Variants in BIRC6 observed in about 807,000 individuals in gnomAD.
BIRC6 encodes baculoviral IAP repeat containing 6, also known as dual E2 ubiquitin-conjugating enzyme/E3 ubiquitin-protein ligase BIRC6.
Under a neutral mutation model 503.3 loss-of-function variants are expected in BIRC6, and 98 were observed. That is an observed-to-expected ratio of 0.19 (90% CI 0.17 to 0.23). The LOEUF is 0.23. Among genes scored for constraint, BIRC6 ranks in the 10% least tolerant of loss-of-function variants. The pLI, the probability that BIRC6 is intolerant of heterozygous loss-of-function variation, is 1.00. For missense variants in BIRC6, 5,360 were observed against 5,806.0 expected, an observed-to-expected ratio of 0.92 and a Z score of 2.50; for synonymous variants, 2,240 against 2,078.7, an observed-to-expected ratio of 1.08 and a Z score of -2.11.
intron 10 of BIRC6, among the ~76,000 whole-genome samples, chr2:32,426,769 T>A (rs2043548480): frequency 6.6e-6 from 1 of 152,268 alleles, no homozygotes; most frequent in African/African-American, 2.4e-5. Flanking sequence ...GTTGCTTTCC[T>A]TCCTCTTAAA....
In BIRC6 at chr2:32,537,979, A is replaced by G. The variant is rs1347632592; in HGVS notation, c.12292-5262A>G. On this transcript the variant is annotated intron_variant, in intron 61 of 73. Transcript: ENST00000421745. ...GACTCCGTCTCAAAAAAAAAAAAGC[A>G]AACAAAAAAAACAATTATTTAAAGG... 2.0e-5 allele frequency among the ~76,000 whole-genome samples: 3 copies of G among 151,942 alleles called. No individual in the cohort carries two copies. In the East Asian group the frequency reaches 5.8e-4, roughly 29 times the overall value.
At chr2:32,450,314 TA>T (rs1371781731) in intron 22 of BIRC6, among the ~76,000 whole-genome samples, 1 of 152,084 alleles carries the variant, frequency 6.6e-6, no homozygotes, top group Non-Finnish European at 1.5e-5. Context: ...CCGTCTCTAC[TA>T]AAAATGCCAA....
At chr2:32,414,619 A>G (rs1314186124) in intron 9 of BIRC6, 150 bp from the exon 10 acceptor site, 3 of 518,798 alleles carry the variant, frequency 5.8e-6, no homozygotes, top group Non-Finnish European at 9.0e-6. Flanking sequence ...GTGAGCCGAA[A>G]TTGCACCACT....
rs185693631 is a variant in BIRC6, at chr2:32,591,122, T to C, written c.13356-2793T>C. 14 of 389,836 alleles carry C rather than the reference T, an allele frequency of 3.6e-5. No homozygotes were observed. The Admixed American group carries it at 8.4e-4, about 23-fold the overall frequency. The allele number at this position is 389,836 out of a possible 1,614,324, so 24.1% of individuals were successfully genotyped here. On this transcript the variant is annotated intron_variant, in intron 66 of 73. Coordinates refer to ENST00000421745, the MANE Select transcript of BIRC6 (RefSeq NM_016252.4). ...ATAGGCAGGTAGTGTGTGTTCTTCA[T>C]ATATTCAAAGTATTCTCACCATTTA...
chr2:32,468,851 G>A (rs2048830695), intron 29 of BIRC6, 68 bp downstream of exon 29: 4 of 1,192,596 alleles, frequency 3.4e-6, no homozygotes, highest in Non-Finnish European at 4.6e-6. Context: ...GCATGTTTTA[G>A]GATCTGTGTC....
Position 32,377,778 on chromosome 2 carries a change from AAAT to A in BIRC6, c.507+12_507+14del. ...AATTACCCGTTACAGAGGTAAGTTG[AAAT>A]AAGTATCAATGTGGTCCTCTACTTA... On this transcript the variant is annotated intron_variant, in intron 2 of 73. Coordinates refer to ENST00000421745, the MANE Select transcript of BIRC6 (RefSeq NM_016252.4). 6.2e-7 allele frequency: 1 copy of A among 1,605,926 alleles called. No homozygotes were observed.
Position 32,488,672 on chromosome 2 carries a change from T to G in BIRC6, c.8053T>G (p.Leu2685Val). 1.3e-6 allele frequency: 2 copies of G among 1,482,932 alleles called. No homozygotes were observed. Among genetic ancestry groups the G allele is most frequent in the African/African-American group, 2.8e-5 (2 of 71,326 alleles). 91.9% of individuals were successfully genotyped at this position (1,482,932 alleles called of 1,614,324 possible). Residue 2685 changes from leucine to valine, a missense_variant, in exon 42 of 74, where the codon TTA (leucine) becomes GTA (valine). Around this residue, in one of 16 missense-constraint regions of BIRC6, gnomAD observed 2,299 missense variants for 2,267.2 expected, o/e 1.01. Transcript: ENST00000421745. ...CAAAGAAAATGGAGCAGACATATTT[T>G]TATATAATGCTAATAGGATACCTGT... ...GNKENGADIF[L>V]YNANRIPVIS... is the part of the protein sequence containing the mutation.
Position 32,500,025 on chromosome 2 carries a change from T to C in BIRC6, c.8947T>C (p.Leu2983=), listed in dbSNP as rs542361359. 4 of 1,614,006 alleles carry C rather than the reference T, an allele frequency of 2.5e-6. No homozygotes were observed. The Admixed American group carries it at 6.7e-5, about 27-fold the overall frequency. The change falls in exon 46 of 74, where the codon TTA becomes CTA. Residue 2983 remains leucine, a synonymous_variant. Coordinates refer to ENST00000421745, the MANE Select transcript of BIRC6 (RefSeq NM_016252.4). ...AGGATCGCCTGCATATGTTGCTGAC[T>C]TAGTCTTAGCCAACCAACAAATTAT... ...VQGSPAYVAD[L]VLANQQIMSQ... is the part of the protein sequence containing the mutation.
chr2:32,585,268 A>G (rs2060950523), intron 66 of BIRC6, among the ~76,000 whole-genome samples: 1 of 152,216 alleles, frequency 6.6e-6, no homozygotes, highest in African/African-American at 2.4e-5. Context: ...ATTTGGTGAA[A>G]ATCAATTTTA....
chr2:32,588,564 C>T (rs2061210360), intron 66 of BIRC6, among the ~76,000 whole-genome samples: 3 of 152,000 alleles, frequency 2.0e-5, no homozygotes, highest in African/African-American at 4.8e-5. Flanking sequence ...TTAATGTACC[C>T]TATATTTCTA....
At chr2:32,601,045 C>T (rs1046779737) in intron 70 of BIRC6, among the ~76,000 whole-genome samples, 3 of 152,148 alleles carry the variant, frequency 2.0e-5, no homozygotes, top group African/African-American at 4.8e-5. Flanking sequence ...AAAAACTTTA[C>T]GATTTTGTTT....
chr2:32,580,022 C>A (rs897906548), intron 66 of BIRC6, among the ~76,000 whole-genome samples: 3 of 148,538 alleles, frequency 2.0e-5, no homozygotes, highest in South Asian at 4.3e-4. Context: ...GGCTTGATCT[C>A]GGCTCACTGC....
intron 66 of BIRC6, among the ~76,000 whole-genome samples, chr2:32,587,000 C>T (rs1243897328): frequency 6.6e-6 from 1 of 152,192 alleles, no homozygotes; most frequent in Non-Finnish European, 1.5e-5. Context: ...TTAAACTTCA[C>T]TCCCAAATAA....
chr2:32,507,257 C>T (rs2053898594), intron 50 of BIRC6, among the ~76,000 whole-genome samples: 1 of 152,074 alleles, frequency 6.6e-6, no homozygotes, highest in African/African-American at 2.4e-5. Flanking sequence ...TGGCAAAACC[C>T]TGTCTCTACC....
At position 32,598,152 on chromosome 2, in the gene BIRC6, G is replaced by A. The variant is rs191574151; in HGVS notation, c.13830+184G>A. 6.1e-3 allele frequency among the ~76,000 whole-genome samples: 772 copies of A among 127,486 alleles called. 5 individuals carry two copies. The highest frequency in any genetic ancestry group is 0.022 in the African/African-American group (705 of 32,508). The allele number at this position is 127,486 out of a possible 152,430, so 83.6% of individuals were successfully genotyped here. On this transcript the variant is annotated intron_variant, in intron 69 of 73. Transcript: ENST00000421745. The stretch of plus-strand genomic sequence containing the variant: ...CCCCTCCCCCCCTTTTTTTTTTGGC[G>A]ACAGGATCTCACTTTTGCCCAAGCT...
chr2:32,444,221 G>C (rs965506357), intron 20 of BIRC6, among the ~76,000 whole-genome samples: 7 of 152,142 alleles, frequency 4.6e-5, no homozygotes, highest in Non-Finnish European at 8.8e-5. Flanking sequence ...TGATAGCACA[G>C]TAGGGTGACT....
At chr2:32,401,112 A>C in intron 6 of BIRC6, 51 bp from the exon 7 acceptor site, 1 of 1,499,268 alleles carries the variant, frequency 6.7e-7, no homozygotes, top group Non-Finnish European at 9.2e-7. Flanking sequence ...TAATGTACAA[A>C]CTGAATTGCT....
At chr2:32,363,162 C>T (rs1462430350) in intron 1 of BIRC6, among the ~76,000 whole-genome samples, 1 of 151,916 alleles carries the variant, frequency 6.6e-6, no homozygotes, top group Non-Finnish European at 1.5e-5. Flanking sequence ...GAGACCTTGT[C>T]TCTAGAAAAA....
intron 66 of BIRC6, among the ~76,000 whole-genome samples, chr2:32,592,634 T>C (rs1394790616): frequency 6.6e-6 from 1 of 152,054 alleles, no homozygotes; most frequent in Non-Finnish European, 1.5e-5. Flanking sequence ...TCACTCTTGT[T>C]GCCCAGGCTG....
Sources: allele counts gnomAD v4.1 joint callset (sites outside exome capture counted in the v4.1 genomes callset), GRCh38; gene constraint gnomAD v4.1.1; regional missense constraint gnomAD v4.1.1; transcripts MANE v1.5; gene names NCBI Gene and HGNC (gene_info 2026-07-23, HGNC 2026-07-21).